Variants in LRRFIP2 observed in about 807,000 individuals in gnomAD.
LRRFIP2 encodes LRR binding FLII interacting protein 2.
A neutral mutation model predicts 125.9 loss-of-function variants in LRRFIP2; 109 were observed. The ratio of observed to expected loss-of-function variants is 0.87; its 90% confidence interval spans 0.74 to 1.01. The LOEUF (loss-of-function observed/expected upper bound fraction) is 1.01, where lower values mean the gene tolerates loss of function less well. Ranked by LOEUF, LRRFIP2 falls within the 50% of genes least tolerant of loss-of-function variation. The pLI, the probability that LRRFIP2 is intolerant of heterozygous loss-of-function variation, is 0.00. For synonymous variants in LRRFIP2, 291 were observed against 293.1 expected (o/e 0.99, Z 0.07); for missense variants, 850 against 862.3 (o/e 0.99, Z 0.18).
At position 37,060,534 on chromosome 3, in the gene LRRFIP2, C is replaced by T. The variant is rs190300749; in HGVS notation, c.1750-1624G>A. On this transcript the variant is annotated intron_variant, in intron 24 of 27. Coordinates refer to ENST00000336686, the MANE Select transcript of LRRFIP2 (RefSeq NM_006309.4). This position sits in a 1 kb window ranked among gnomAD's most constrained non-coding sequence, Gnocchi z 4.1. ...GCCAGGCTGGTCTTGAACTCCTGAC[C>T]TCAAGTCATCCACCCACCTTGGCCT... is the stretch of plus-strand genomic sequence containing the variant. Among the ~76,000 whole-genome samples the T allele has an allele frequency of 8.2e-4, 124 of 151,942 alleles. No homozygotes were observed. Among genetic ancestry groups the T allele is most frequent in the African/African-American group, 2.8e-3 (114 of 41,446 alleles).
chr3:37,087,296 A>G (rs1217903518), intron 18 of LRRFIP2, among the ~76,000 whole-genome samples: 6 of 152,236 alleles, frequency 3.9e-5, no homozygotes. Context: ...GTATCTTACT[A>G]TACTGCAGAC....
At chr3:37,164,401 A>G (rs1294202336) in intron 1 of LRRFIP2, among the ~76,000 whole-genome samples, 1 of 152,190 alleles carries the variant, frequency 6.6e-6, no homozygotes, top group Non-Finnish European at 1.5e-5. Flanking sequence ...TCCTATTTTA[A>G]TAACATTATT....
chr3:37,131,802 T>G (rs1448683343), intron 2 of LRRFIP2, among the ~76,000 whole-genome samples: 3 of 152,194 alleles, frequency 2.0e-5, no homozygotes, highest in African/African-American at 7.2e-5. Context: ...GACACAATGC[T>G]TATGGGAAGG....
At chr3:37,116,858 T>C (rs904216355) in intron 6 of LRRFIP2, among the ~76,000 whole-genome samples, 14 of 152,274 alleles carry the variant, frequency 9.2e-5, no homozygotes, top group Non-Finnish European at 1.3e-4. Context: ...GAAAATGTTA[T>C]TGTAATAAAT....
intron 18 of LRRFIP2, among the ~76,000 whole-genome samples, chr3:37,086,056 G>A (rs1260408164): frequency 4.6e-5 from 7 of 152,138 alleles, no homozygotes; most frequent in Admixed American, 1.3e-4. Context: ...ATTTAAAAAT[G>A]GGCAAGGACC....
chr3:37,154,295 T>C (rs1322604586), intron 1 of LRRFIP2, among the ~76,000 whole-genome samples: 1 of 152,230 alleles, frequency 6.6e-6, no homozygotes, highest in Non-Finnish European at 1.5e-5. Context: ...AATACGATTC[T>C]TAACATAGCC....
At chr3:37,108,268 A>G (rs1414244047) in intron 12 of LRRFIP2, 139 bp from the exon 13 acceptor site, 1 of 663,612 alleles carries the variant, frequency 1.5e-6, no homozygotes, top group African/African-American at 1.8e-5. Flanking sequence ...GTAGAACTCT[A>G]CCTCATCCCC....
chr3:37,133,306 A>G (rs1035351793), intron 2 of LRRFIP2, among the ~76,000 whole-genome samples: 3 of 152,226 alleles, frequency 2.0e-5, no homozygotes, highest in Non-Finnish European at 4.4e-5. Flanking sequence ...CTATGGGTAC[A>G]TATACAAAAG....
intron 1 of LRRFIP2, among the ~76,000 whole-genome samples, chr3:37,171,238 C>T (rs952984710): frequency 1.3e-5 from 2 of 152,192 alleles, no homozygotes; most frequent in African/African-American, 2.4e-5. Flanking sequence ...GGCAAAATGT[C>T]CTTTATAACT....
chr3:37,149,067 A>T (rs901127524), intron 1 of LRRFIP2, 29 bp from the exon 2 acceptor site: 32 of 1,551,414 alleles, frequency 2.1e-5, no homozygotes, highest in Non-Finnish European at 2.8e-5. Flanking sequence ...TAATAACTTA[A>T]GGTATTTCTT....
At position 37,083,621 on chromosome 3, in the gene LRRFIP2, C is replaced by T. The variant is rs1475007396; in HGVS notation, c.1278+15G>A. On this transcript the variant is annotated intron_variant, in intron 19 of 27. Coordinates refer to ENST00000336686, the MANE Select transcript of LRRFIP2 (RefSeq NM_006309.4). Reference sequence around the variant, plus strand: ...TTATTTTCTGCCCCAAGAGAAAATACAAGATAAGCATTACCTTTGATTTTT... The same window carrying T: ...TTATTTTCTGCCCCAAGAGAAAATATAAGATAAGCATTACCTTTGATTTTT... 1 of 1,526,896 alleles carries T rather than the reference C, an allele frequency of 6.5e-7. No individual in the cohort carries two copies. The allele number at this position is 1,526,896 out of a possible 1,614,324, so 94.6% of individuals were successfully genotyped here.
At chr3:37,144,432 T>G (rs1423480447) in intron 2 of LRRFIP2, among the ~76,000 whole-genome samples, 1 of 152,182 alleles carries the variant, frequency 6.6e-6, no homozygotes, top group East Asian at 1.9e-4. Flanking sequence ...TGCCAAAATC[T>G]TTCTGTATTT....
At chr3:37,122,361 G>C (rs542034911) in intron 4 of LRRFIP2, among the ~76,000 whole-genome samples, 3 of 151,948 alleles carry the variant, frequency 2.0e-5, no homozygotes, top group African/African-American at 7.3e-5. Flanking sequence ...TTTATCAGGC[G>C]TATGTATGTC....
At chr3:37,063,708 A>G in intron 24 of LRRFIP2, 34 bp downstream of exon 24, 1 of 1,544,188 alleles carries the variant, frequency 6.5e-7, no homozygotes, top group Non-Finnish European at 8.9e-7. Context: ...AACTTTGTTA[A>G]AATTATATTA....
At chr3:37,084,690 G>A (rs1213502209) in intron 18 of LRRFIP2, among the ~76,000 whole-genome samples, 1 of 151,462 alleles carries the variant, frequency 6.6e-6, no homozygotes, top group African/African-American at 2.4e-5. Context: ...AACAAAATAA[G>A]AGAGTCTGAT....
chr3:37,113,012 G>C, intron 7 of LRRFIP2, 32 bp from the exon 8 acceptor site: 1 of 1,236,748 alleles, frequency 8.1e-7, no homozygotes, highest in Non-Finnish European at 1.2e-6. Flanking sequence ...TAACTTCAAT[G>C]ATTGCATAGC....
chr3:37,128,120 C>T (rs1220831608), intron 3 of LRRFIP2, among the ~76,000 whole-genome samples: 1 of 152,086 alleles, frequency 6.6e-6, no homozygotes, highest in Admixed American at 6.6e-5. Context: ...TCAAGAACTG[C>T]ATTCCATATT....
chr3:37,069,184 T>TA (rs1446385472), intron 21 of LRRFIP2, among the ~76,000 whole-genome samples: 1 of 152,132 alleles, frequency 6.6e-6, no homozygotes, highest in Non-Finnish European at 1.5e-5. Context: ...GTATAACTGT[T>TA]ACTCAAAAAA....
chr3:37,056,460 T>TC (rs1198469995), intron 25 of LRRFIP2, among the ~76,000 whole-genome samples: 4 of 62,480 alleles, frequency 6.4e-5, no homozygotes, highest in Non-Finnish European at 2.0e-4. Flanking sequence ...AGGTTTTTCT[T>TC]TTTTTTTTTT....
Sources: gnomAD v4.1 joint callset for allele counts (sites outside exome capture counted in the v4.1 genomes callset) on GRCh38, gnomAD v4.1.1 for gene constraint, Gnocchi (gnomAD v3.1) non-coding constraint, MANE v1.5 for transcripts, NCBI Gene and HGNC (gene_info 2026-07-23, HGNC 2026-07-21) for gene names.